MTHFSD: variants seen among roughly 807,000 people sequenced by gnomAD.
MTHFSD encodes methenyltetrahydrofolate synthetase domain containing.
In MTHFSD, 37 loss-of-function variants were observed where a neutral mutation model predicts 31.1. The ratio of observed to expected loss-of-function variants is 1.19; its 90% CI spans 0.91 to 1.56. The LOEUF (loss-of-function observed/expected upper bound fraction) is 1.56, where lower values mean the gene tolerates loss of function less well. MTHFSD is among the 40% of genes most tolerant of loss of function. The pLI, the probability that MTHFSD is intolerant of heterozygous loss-of-function variation, is 0.00. For missense variants in MTHFSD, 664 were observed against 510.1 expected, an observed-to-expected ratio of 1.30 and a Z score of -2.91; for synonymous variants, 221 against 206.9, an observed-to-expected ratio of 1.07 and a Z score of -0.59.
At chr16:86,535,353 T>C (rs1970544388) in intron 7 of MTHFSD, 1 of 801,858 alleles carries the variant, frequency 1.2e-6, no homozygotes, top group Non-Finnish European at 1.5e-6. Context: ...GCTTTGCCAC[T>C]CTGCCAGCAG....
chr16:86,538,902 C>T (rs1050113284), intron 7 of MTHFSD, among the ~76,000 whole-genome samples: 9 of 152,146 alleles, frequency 5.9e-5, no homozygotes, highest in Admixed American at 1.3e-4. Context: ...CCCTGAGTTT[C>T]ACGGGTCTGT....
chr16:86,541,611 C>G, intron 7 of MTHFSD, 86 bp downstream of exon 7: 1 of 1,535,384 alleles, frequency 6.5e-7, no homozygotes, highest in Non-Finnish European at 8.8e-7. Flanking sequence ...CTGGGATTGC[C>G]AACAGCTCCC....
At chr16:86,547,561 C>A (rs1972511774) in intron 4 of MTHFSD, 1 of 988,086 alleles carries the variant, frequency 1.0e-6, no homozygotes, top group Non-Finnish European at 1.2e-6. Flanking sequence ...GGGGCAGGCA[C>A]TGACCAACTG....
chr16:86,550,380 C>T (rs1006071621), intron 3 of MTHFSD, among the ~76,000 whole-genome samples: 7 of 152,242 alleles, frequency 4.6e-5, no homozygotes, highest in Non-Finnish European at 8.8e-5. Context: ...CTCAGGGCTG[C>T]ACCCCTCTTC....
intron 2 of MTHFSD, among the ~76,000 whole-genome samples, chr16:86,552,627 T>G (rs986980987): frequency 4.6e-5 from 7 of 152,182 alleles, no homozygotes; most frequent in Non-Finnish European, 8.8e-5. Context: ...GTTTGATTCG[T>G]TTTTTAAAGA....
intron 4 of MTHFSD, 140 bp downstream of exon 4, chr16:86,548,324 T>C (rs1021117937): frequency 1.2e-6 from 1 of 856,452 alleles, no homozygotes; most frequent in Non-Finnish European, 1.9e-6. Flanking sequence ...GACAGAATTC[T>C]TGAATACTTT....
At chr16:86,536,195 T>A (rs1044675697) in intron 7 of MTHFSD, among the ~76,000 whole-genome samples, 5 of 152,190 alleles carry the variant, frequency 3.3e-5, no homozygotes, top group Non-Finnish European at 2.9e-5. Context: ...AAGTTCAACC[T>A]CCATAAATAA....
rs368619807 is a variant in MTHFSD at position 86,532,039 on chromosome 16, G to A, written c.1124C>T (p.Ala375Val). 30 of 1,488,430 alleles carry A rather than the reference G, an allele frequency of 2.0e-5. No individual in the cohort carries two copies. In the South Asian group the frequency reaches 2.7e-4, roughly 13 times the overall value. 92.2% of individuals were successfully genotyped at this position (1,488,430 alleles called of 1,614,324 possible). Residue 375 changes from alanine (A) to valine (V), a missense_variant, in exon 8 of 8, where the codon GCG becomes GTG. Coordinates refer to ENST00000360900, the MANE Select transcript of MTHFSD (RefSeq NM_001159377.2). ...LRLGTDTLRV[A>V]LARQQRDK ...CTTGTCCCTCTGCTGCCTGGCCAGC[G>A]CCACCCTCAGGGTGTCGGTGCCCAG... is the stretch of plus-strand genomic sequence containing the variant.
In MTHFSD at chr16:86,554,644, C is replaced by T; in HGVS notation, c.123+1G>A. ...TCTGGACTCCAGAAATATGTCAGTA[C>T]CTTAAAGTTGGGTATCCTGTGATGA... On this transcript the variant is annotated splice_donor_variant, in intron 2 of 7. Coordinates refer to ENST00000360900, the MANE Select transcript of MTHFSD (RefSeq NM_001159377.2). LOFTEE classifies it high-confidence loss of function. 1 of 1,610,672 alleles carries T rather than the reference C, an allele frequency of 6.2e-7. No individual in the cohort carries two copies. The highest frequency in any genetic ancestry group is 1.3e-5 in the African/African-American group (1 of 74,908).
rs143513078 is a variant in MTHFSD, at chr16:86,551,054, C to T, written c.237+979G>A. Among the ~76,000 whole-genome samples, 204 of 152,334 alleles carry T rather than the reference C, an allele frequency of 1.3e-3. 1 individual carries two copies. The highest frequency in any genetic ancestry group is 4.8e-3 in the African/African-American group (198 of 41,570). On this transcript the variant is annotated intron_variant, in intron 3 of 7. Transcript: ENST00000360900. ...TACTCATGTTATCAGCTGCGATTTG[C>T]TCCAGCAAAACCATATCAACCATTA... is the stretch of plus-strand genomic sequence containing the variant.
At chr16:86,543,040 T>C (rs999124436) in intron 5 of MTHFSD, among the ~76,000 whole-genome samples, 2 of 152,186 alleles carry the variant, frequency 1.3e-5, no homozygotes, top group African/African-American at 4.8e-5. Flanking sequence ...ACTTTGACAA[T>C]TCAAAACCTT....
intron 2 of MTHFSD, 117 bp downstream of exon 2, chr16:86,554,528 G>A (rs1973770907): frequency 1.2e-6 from 1 of 823,460 alleles, no homozygotes; most frequent in Non-Finnish European, 2.0e-6. Flanking sequence ...TCACACCACT[G>A]CTCACTGCTC....
intron 2 of MTHFSD, 131 bp from the exon 3 acceptor site, chr16:86,552,277 C>A (rs1973269153): frequency 6.3e-7 from 1 of 1,589,228 alleles, no homozygotes; most frequent in Middle Eastern, 1.7e-4. Flanking sequence ...AGTTGCTCGG[C>A]AGCATGAGAA....
chr16:86,531,887 C>T lies in MTHFSD; in HGVS notation c.*124G>A, dbSNP rs922895136. 6.8e-6 allele frequency: 4 copies of T among 589,972 alleles called. No individual in the cohort carries two copies. The highest frequency in any genetic ancestry group is 8.0e-6 in the Non-Finnish European group (3 of 373,162). 36.5% of individuals were successfully genotyped at this position (589,972 alleles called of 1,614,324 possible). On this transcript the variant is annotated 3_prime_UTR_variant, in exon 8 of 8. Coordinates refer to ENST00000360900, the MANE Select transcript of MTHFSD (RefSeq NM_001159377.2). This position sits in a 1 kb window ranked among gnomAD's most constrained non-coding sequence, Gnocchi z 5.5. ...GGTGACTTCTGAGAAGAATTGAGAC[C>T]CGAGCAGCTCAGGCGGTGGCTCCGA...
At chr16:86,544,078 T>C (rs1971919445) in intron 5 of MTHFSD, among the ~76,000 whole-genome samples, 1 of 152,344 alleles carries the variant, frequency 6.6e-6, no homozygotes, top group Admixed American at 6.5e-5. Context: ...TTATGAGTTG[T>C]ATAATTACTC....
intron 4 of MTHFSD, chr16:86,547,333 T>C (rs1306850362): frequency 8.1e-6 from 8 of 985,604 alleles, no homozygotes; most frequent in East Asian, 1.1e-4. Flanking sequence ...ACACGGTTTA[T>C]GTAAGACTCA....
intron 3 of MTHFSD, among the ~76,000 whole-genome samples, chr16:86,550,976 T>C (rs1235703258): frequency 6.6e-6 from 1 of 152,228 alleles, no homozygotes; most frequent in South Asian, 2.1e-4. Flanking sequence ...ACACAACGCA[T>C]GGCAGCGTTA....
chr16:86,543,538 G>T (rs1019398998), intron 5 of MTHFSD, among the ~76,000 whole-genome samples: 1 of 152,222 alleles, frequency 6.6e-6, no homozygotes, highest in Non-Finnish European at 1.5e-5. Context: ...AGTTACTGAG[G>T]TGCAGTCACG....
intron 3 of MTHFSD, among the ~76,000 whole-genome samples, chr16:86,550,878 G>A (rs1236784316): frequency 6.6e-6 from 1 of 152,186 alleles, no homozygotes; most frequent in Non-Finnish European, 1.5e-5. Context: ...CCTCCTCTCA[G>A]CTCCGGCAAG....
Sources: gnomAD v4.1 joint callset for allele counts (sites outside exome capture counted in the v4.1 genomes callset) on GRCh38, gnomAD v4.1.1 for gene constraint, Gnocchi (gnomAD v3.1) non-coding constraint, MANE v1.5 for transcripts, NCBI Gene and HGNC (gene_info 2026-07-23, HGNC 2026-07-21) for gene names.